TPH2: variants seen among roughly 807,000 people sequenced by gnomAD.
The protein encoded by TPH2 is tryptophan hydroxylase 2.
A neutral mutation model predicts 59.1 loss-of-function variants in TPH2; 27 were observed. That is an observed-to-expected ratio of 0.46 (90% CI 0.34 to 0.63). TPH2 has a LOEUF of 0.63. Ranked by LOEUF, TPH2 falls within the 30% of genes least tolerant of loss-of-function variation. The probability of loss-of-function intolerance (pLI) is 0.01; values close to 1 mark genes in which losing one functional copy is unlikely to be tolerated. For missense variants in TPH2, 523 were observed against 588.3 expected, an observed-to-expected ratio of 0.89 and a Z score of 1.15; for synonymous variants, 220 against 210.5, an observed-to-expected ratio of 1.05 and a Z score of -0.39.
At chr12:72,023,088 C>CT (rs1361563724) in intron 9 of TPH2, among the ~76,000 whole-genome samples, 6 of 151,436 alleles carry the variant, frequency 4.0e-5, no homozygotes, top group South Asian at 4.2e-4. Context: ...AAAATGGTCA[C>CT]TTTTTTTTTC....
chr12:71,975,924 G>A (rs1340304883), intron 6 of TPH2, among the ~76,000 whole-genome samples: 2 of 152,118 alleles, frequency 1.3e-5, no homozygotes, highest in African/African-American at 4.8e-5. Context: ...TCCTTATATC[G>A]AGATGGCTTT....
At chr12:72,008,892 TA>T (rs1873025450) in intron 8 of TPH2, among the ~76,000 whole-genome samples, 1 of 152,016 alleles carries the variant, frequency 6.6e-6, no homozygotes, top group Non-Finnish European at 1.5e-5. Context: ...TGCAATCCTC[TA>T]AAAAAGGGAT....
At chr12:71,999,807 C>T (rs1017065634) in intron 8 of TPH2, among the ~76,000 whole-genome samples, 31 of 152,198 alleles carry the variant, frequency 2.0e-4, no homozygotes, top group Middle Eastern at 3.2e-3. Flanking sequence ...ACAAGGCTCT[C>T]AATTCTCTGT....
intron 1 of TPH2, 151 bp downstream of exon 1, chr12:71,939,242 C>A: frequency 1.4e-6 from 1 of 707,074 alleles, no homozygotes. Flanking sequence ...CTCCTGTCTG[C>A]CTCCAGTCTT....
At chr12:71,990,961 T>A (rs1017241518) in intron 7 of TPH2, among the ~76,000 whole-genome samples, 1 of 152,250 alleles carries the variant, frequency 6.6e-6, no homozygotes, top group African/African-American at 2.4e-5. Context: ...AATGAAACAA[T>A]ATAACTTACT....
chr12:71,988,343 C>A (rs1872495744), intron 7 of TPH2, among the ~76,000 whole-genome samples: 1 of 152,062 alleles, frequency 6.6e-6, no homozygotes, highest in Non-Finnish European at 1.5e-5. Context: ...ATACCCGAGA[C>A]TGGGAAATTT....
intron 5 of TPH2, among the ~76,000 whole-genome samples, chr12:71,954,892 AG>A (rs1413542963): frequency 2.0e-5 from 3 of 152,066 alleles, no homozygotes; most frequent in Non-Finnish European, 4.4e-5. Flanking sequence ...TCTTGGAAAG[AG>A]GCCCTGAGCT....
At chr12:71,981,754 T>C (rs1469673042) in intron 7 of TPH2, among the ~76,000 whole-genome samples, 1 of 151,820 alleles carries the variant, frequency 6.6e-6, no homozygotes, top group Non-Finnish European at 1.5e-5. Flanking sequence ...GAGGAGGATT[T>C]GGGTTTGGGG....
chr12:72,004,205 T>C (rs1872894109), intron 8 of TPH2, among the ~76,000 whole-genome samples: 2 of 150,552 alleles, frequency 1.3e-5, no homozygotes, highest in African/African-American at 4.9e-5. Flanking sequence ...AGTGTTAGAT[T>C]TGTTACTTCC....
chr12:71,993,220 G>A (rs1378543735), intron 7 of TPH2, among the ~76,000 whole-genome samples: 1 of 152,166 alleles, frequency 6.6e-6, no homozygotes, highest in Non-Finnish European at 1.5e-5. Context: ...CTTGGCCCTT[G>A]ACCATCATTC....
rs761705753 is a variant in TPH2 at position 71,939,069 on chromosome 12, A to C, written c.83A>C (p.His28Pro). Residue 28 changes from histidine to proline, a missense_variant, in exon 1 of 11, where the codon CAT (histidine) becomes CCT (proline). Physicochemically the swap from His to Pro is moderately conservative, Grantham distance 77 (BLOSUM62 -2). Transcript: ENST00000333850. Reference sequence around the variant, plus strand: ...CTGGATTCAGCAGTGCCCGAAGAGCATCAGCTACTTGGCAGCTCAACAGTG... The same window carrying C: ...CTGGATTCAGCAGTGCCCGAAGAGCCTCAGCTACTTGGCAGCTCAACAGTG... ...FSLDSAVPEE[H>P]QLLGSSTLNK... The C allele has an allele frequency of 6.2e-7, 1 of 1,614,126 alleles. No individual in the cohort carries two copies. The highest frequency in any genetic ancestry group is 1.1e-5 in the South Asian group (1 of 91,090).
intron 8 of TPH2, among the ~76,000 whole-genome samples, chr12:72,005,290 G>T (rs1022451289): frequency 6.6e-6 from 1 of 152,104 alleles, no homozygotes; most frequent in Non-Finnish European, 1.5e-5. Flanking sequence ...CTTCAGCAAT[G>T]AAGAGGAGGC....
At chr12:71,959,472 A>G (rs1871616329) in intron 5 of TPH2, among the ~76,000 whole-genome samples, 1 of 152,198 alleles carries the variant, frequency 6.6e-6, no homozygotes, top group Non-Finnish European at 1.5e-5. Context: ...TGTCTGAGCT[A>G]GGGGATTACT....
At chr12:72,029,906 A>G (rs935590037) in intron 9 of TPH2, among the ~76,000 whole-genome samples, 1 of 152,188 alleles carries the variant, frequency 6.6e-6, no homozygotes, top group Non-Finnish European at 1.5e-5. Flanking sequence ...GAATGCACGA[A>G]GAATATTGAA....
At chr12:71,962,135 C>G (rs1312367739) in intron 5 of TPH2, 1 of 989,942 alleles carries the variant, frequency 1.0e-6, no homozygotes, top group Non-Finnish European at 1.2e-6. Context: ...TCGTGGGGCT[C>G]CTAACCTCCT....
intron 8 of TPH2, among the ~76,000 whole-genome samples, chr12:72,011,664 A>G (rs1873102469): frequency 6.6e-6 from 1 of 152,190 alleles, no homozygotes; most frequent in South Asian, 2.1e-4. Flanking sequence ...ACATTTTTGG[A>G]TGAGAATCCA....
At chr12:71,981,566 T>A (rs549389210) in intron 7 of TPH2, among the ~76,000 whole-genome samples, 2 of 152,162 alleles carry the variant, frequency 1.3e-5, no homozygotes, top group Admixed American at 6.5e-5. Flanking sequence ...CTTAACACCA[T>A]AGAGATGGAA....
chr12:71,983,341 A>G (rs1401171781), intron 7 of TPH2, among the ~76,000 whole-genome samples: 2 of 152,172 alleles, frequency 1.3e-5, no homozygotes, highest in African/African-American at 4.8e-5. Context: ...TGTGGTTGCA[A>G]TGTTCTTACT....
chr12:72,030,745 C>T (rs2139252740), intron 9 of TPH2, among the ~76,000 whole-genome samples: 1 of 152,262 alleles, frequency 6.6e-6, no homozygotes, highest in African/African-American at 2.4e-5. Context: ...ACTCCAGACT[C>T]TGTTGATACA....
Sources: gnomAD v4.1 joint callset for allele counts (sites outside exome capture counted in the v4.1 genomes callset) on GRCh38, gnomAD v4.1.1 for gene constraint, MANE v1.5 for transcripts, NCBI Gene and HGNC (gene_info 2026-07-23, HGNC 2026-07-21) for gene names.